Variants in COLEC12 observed in about 807,000 individuals in gnomAD.
The protein encoded by COLEC12 is collectin-12.
In COLEC12, 33 loss-of-function variants were observed where a neutral mutation model predicts 71.1. That is an observed-to-expected ratio of 0.46 (90% CI 0.35 to 0.62). The LOEUF (loss-of-function observed/expected upper bound fraction) is 0.62, where lower values mean the gene tolerates loss of function less well. COLEC12 is among the 20% of genes least tolerant of loss of function. The probability of loss-of-function intolerance (pLI) is 0.00; values close to 1 mark genes in which losing one functional copy is unlikely to be tolerated. For missense variants in COLEC12, 765 were observed against 916.1 expected, an observed-to-expected ratio of 0.84 and a Z score of 2.13; for synonymous variants, 350 against 353.0, an observed-to-expected ratio of 0.99 and a Z score of 0.10.
intron 2 of COLEC12, among the ~76,000 whole-genome samples, chr18:432,800 C>T (rs1464848107): frequency 1.3e-5 from 2 of 152,206 alleles, no homozygotes; most frequent in African/African-American, 2.4e-5. Flanking sequence ...GCAACCCTTC[C>T]GGCGCTCACC....
intron 5 of COLEC12, among the ~76,000 whole-genome samples, chr18:340,091 A>AC (rs1555613033): frequency 6.0e-5 from 9 of 150,934 alleles, no homozygotes; most frequent in Admixed American, 1.3e-4. Flanking sequence ...AAAAAAAAAA[A>AC]CAAAAAGAAC....
In COLEC12 at chr18:327,337, C is replaced by T. The variant is rs758797135; in HGVS notation, c.2063+4331G>A. On this transcript the variant is annotated intron_variant, in intron 8 of 9. Transcript: ENST00000400256. This position sits in a 1 kb window ranked among gnomAD's most constrained non-coding sequence, Gnocchi z 4.0. ...ATAAAATCCTGCTGATCTGTGTTGGCCCTGCCAGTCTTTCTTTTGAAATTG... is the reference window on the plus strand; with the variant it reads ...ATAAAATCCTGCTGATCTGTGTTGGTCCTGCCAGTCTTTCTTTTGAAATTG... Among the ~76,000 whole-genome samples, 18 of 152,110 alleles carry T rather than the reference C, an allele frequency of 1.2e-4. No individual in the cohort carries two copies. Among genetic ancestry groups the T allele is most frequent in the Non-Finnish European group, 2.2e-4 (15 of 68,024 alleles).
chr18:327,552 C>G lies in COLEC12; in HGVS notation c.2063+4116G>C, dbSNP rs1388345905. ...TAAGCCTGAGCTCAATCTGTGTGTC[C>G]CCTAAGCCTTTGGCTTCTGTTCCAT... is the stretch of plus-strand genomic sequence containing the variant. On this transcript the variant is annotated intron_variant, in intron 8 of 9. Coordinates refer to ENST00000400256, the MANE Select transcript of COLEC12 (RefSeq NM_130386.3). This position sits in a 1 kb window ranked among gnomAD's most constrained non-coding sequence, Gnocchi z 4.0. 6.6e-6 allele frequency among the ~76,000 whole-genome samples: 1 copy of G among 152,194 alleles called. No individual in the cohort carries two copies.
At chr18:400,848 T>C (rs1341006405) in intron 2 of COLEC12, among the ~76,000 whole-genome samples, 2 of 152,212 alleles carry the variant, frequency 1.3e-5, no homozygotes, top group East Asian at 1.9e-4. Flanking sequence ...GAGGGTGTGC[T>C]GTTGTTTCAA....
At chr18:406,476 T>C in intron 2 of COLEC12, among the ~76,000 whole-genome samples, 1 of 119,698 alleles carries the variant, frequency 8.4e-6, no homozygotes, top group Admixed American at 1.1e-4. Context: ...GCCACTGCAG[T>C]CCGCAGTCCG....
At chr18:415,098 C>T (rs1205194794) in intron 2 of COLEC12, among the ~76,000 whole-genome samples, 1 of 152,224 alleles carries the variant, frequency 6.6e-6, no homozygotes, top group Non-Finnish European at 1.5e-5. Context: ...ATGTCACCAG[C>T]ATTACATACA....
At chr18:396,343 T>A (rs988152865) in intron 2 of COLEC12, among the ~76,000 whole-genome samples, 1 of 152,244 alleles carries the variant, frequency 6.6e-6, no homozygotes, top group Non-Finnish European at 1.5e-5. Context: ...CAGAGCCTGG[T>A]AATTGCAAAC....
intron 2 of COLEC12, among the ~76,000 whole-genome samples, chr18:479,593 C>G (rs571919353): frequency 2.0e-4 from 30 of 152,192 alleles, no homozygotes; most frequent in African/African-American, 6.7e-4. Context: ...CTCACACACA[C>G]TCTTTTCTCC....
chr18:458,767 C>G (rs1158713470), intron 2 of COLEC12, among the ~76,000 whole-genome samples: 6 of 152,258 alleles, frequency 3.9e-5, no homozygotes, highest in Non-Finnish European at 7.3e-5. Context: ...CCACGTGAAG[C>G]CATTTTCCCC....
intron 2 of COLEC12, among the ~76,000 whole-genome samples, chr18:363,154 G>T (rs973544305): frequency 1.3e-5 from 2 of 152,120 alleles, no homozygotes; most frequent in Non-Finnish European, 2.9e-5. Context: ...ATTCCTTTCT[G>T]CTGTGGTTCT....
At chr18:359,175 C>G (rs1170758997) in intron 2 of COLEC12, among the ~76,000 whole-genome samples, 1 of 152,114 alleles carries the variant, frequency 6.6e-6, no homozygotes, top group Non-Finnish European at 1.5e-5. Context: ...TTGTAAGAGC[C>G]AACTGTTAAA....
At chr18:345,320 T>C (rs78120145) in intron 5 of COLEC12, among the ~76,000 whole-genome samples, 7,663 of 152,312 alleles carry the variant, frequency 0.05, 194 homozygotes, top group Middle Eastern at 0.1. Context: ...CAAGGACTTT[T>C]AATTTATATG....
chr18:458,138 G>T (rs747118881), intron 2 of COLEC12, among the ~76,000 whole-genome samples: 1 of 152,154 alleles, frequency 6.6e-6, no homozygotes, highest in African/African-American at 2.4e-5. Context: ...CAGCTCACTT[G>T]TGATCTGATT....
intron 2 of COLEC12, among the ~76,000 whole-genome samples, chr18:431,883 G>C (rs1394536206): frequency 6.6e-6 from 1 of 152,116 alleles, no homozygotes; most frequent in African/African-American, 2.4e-5. Context: ...CTGTGCTAAG[G>C]AGATTTTATA....
chr18:481,329 C>A lies in COLEC12; in HGVS notation c.8-572G>T, dbSNP rs1917411302. Among the ~76,000 whole-genome samples, 3 of 110,590 alleles carry A rather than the reference C, an allele frequency of 2.7e-5. No homozygotes were observed. The South Asian group carries it at 7.3e-4, about 27-fold the overall frequency. 72.6% of individuals were successfully genotyped at this position (110,590 alleles called of 152,430 possible). ...CCCTCCTTCCGATGGGTAACTGGGACCAACCGATGGTTTCGCAGTAAATGT... is the reference window on the plus strand; with the variant it reads ...CCCTCCTTCCGATGGGTAACTGGGAACAACCGATGGTTTCGCAGTAAATGT... On this transcript the variant is annotated intron_variant, in intron 1 of 9. Coordinates refer to ENST00000400256, the MANE Select transcript of COLEC12 (RefSeq NM_130386.3).
At chr18:426,372 G>C (rs4798167) in intron 2 of COLEC12, among the ~76,000 whole-genome samples, 27,765 of 152,094 alleles carry the variant, frequency 0.18, 2,820 homozygotes, top group Middle Eastern at 0.24. Context: ...TGCATGTTTT[G>C]GGGTCTGCGA....
chr18:397,736 C>G (rs1915600369), intron 2 of COLEC12, among the ~76,000 whole-genome samples: 1 of 152,150 alleles, frequency 6.6e-6, no homozygotes, highest in South Asian at 2.1e-4. Flanking sequence ...TAGATAATAC[C>G]TCACTGATAA....
At chr18:322,650 C>T (rs1002809961) in intron 8 of COLEC12, among the ~76,000 whole-genome samples, 1 of 152,190 alleles carries the variant, frequency 6.6e-6, no homozygotes, top group Non-Finnish European at 1.5e-5. Context: ...TGCACAGAAG[C>T]TTGTGGCTGC....
At chr18:439,395 C>T (rs1259338351) in intron 2 of COLEC12, among the ~76,000 whole-genome samples, 3 of 151,392 alleles carry the variant, frequency 2.0e-5, no homozygotes, top group Non-Finnish European at 2.9e-5. Flanking sequence ...TCTAGGCCAG[C>T]AAGAGAGAGA....
Sources: allele counts gnomAD v4.1 joint callset (sites outside exome capture counted in the v4.1 genomes callset), GRCh38; gene constraint gnomAD v4.1.1; non-coding constraint Gnocchi (gnomAD v3.1); transcripts MANE v1.5; gene names NCBI Gene and HGNC (gene_info 2026-07-23, HGNC 2026-07-21).